Variants in SMCHD1 observed in about 807,000 individuals in gnomAD.
SMCHD1 encodes structural maintenance of chromosomes flexible hinge domain-containing protein 1.
SMCHD1 carries 78 observed loss-of-function variants against 254.7 expected under a neutral mutation model. The ratio of observed to expected loss-of-function variants is 0.31; its 90% CI spans 0.26 to 0.37. The LOEUF (loss-of-function observed/expected upper bound fraction) is 0.37. SMCHD1 is among the 10% of genes least tolerant of loss of function. The pLI, the probability that SMCHD1 is intolerant of heterozygous loss-of-function variation, is 1.00. For missense variants in SMCHD1, 1,840 were observed against 2,408.1 expected (o/e 0.76, Z 4.94); for synonymous variants, 766 against 794.9 (o/e 0.96, Z 0.61).
chr18:2,723,809 G>A (rs1334621878), intron 20 of SMCHD1, among the ~76,000 whole-genome samples: 2 of 152,086 alleles, frequency 1.3e-5, no homozygotes, highest in Non-Finnish European at 2.9e-5. Context: ...CTTTTCATCA[G>A]TCTTTTTGCT....
chr18:2,678,424 C>T (rs2073824340), intron 5 of SMCHD1, among the ~76,000 whole-genome samples: 3 of 152,056 alleles, frequency 2.0e-5, no homozygotes, highest in Middle Eastern at 6.8e-3. Flanking sequence ...CCTTAGCCTC[C>T]TGGGCTTGGC....
At chr18:2,672,036 T>G (rs949354976) in intron 3 of SMCHD1, among the ~76,000 whole-genome samples, 9 of 152,198 alleles carry the variant, frequency 5.9e-5, no homozygotes, top group Admixed American at 5.2e-4. Flanking sequence ...TCCTTCCAAA[T>G]TTCTCTTTAG....
intron 46 of SMCHD1, 96 bp from the exon 47 acceptor site, chr18:2,796,311 T>A (rs1386168328): frequency 2.3e-5 from 21 of 902,928 alleles, no homozygotes; most frequent in Non-Finnish European, 3.2e-5. Flanking sequence ...CTTTCTTAAT[T>A]CTTTTTCTAT....
chr18:2,671,366 AATG>A (rs1194658642), intron 3 of SMCHD1, among the ~76,000 whole-genome samples: 10 of 152,190 alleles, frequency 6.6e-5, no homozygotes, highest in Admixed American at 2.0e-4. Context: ...ATCATTATGA[AATG>A]ATATGAAAAC....
intron 3 of SMCHD1, among the ~76,000 whole-genome samples, chr18:2,670,157 G>A (rs541903465): frequency 1.3e-5 from 2 of 152,114 alleles, no homozygotes; most frequent in Non-Finnish European, 2.9e-5. Context: ...CACCAAAGTC[G>A]TTACAGTTGC....
At chr18:2,673,913 G>GTAT in intron 4 of SMCHD1, 102 bp from the exon 5 acceptor site, 3 of 1,169,886 alleles carry the variant, frequency 2.6e-6, no homozygotes, top group Non-Finnish European at 3.6e-6. Context: ...CATCAGTAAT[G>GTAT]TATAAGTGAG....
At chr18:2,788,554 C>G (rs996802375) in intron 45 of SMCHD1, among the ~76,000 whole-genome samples, 8 of 152,130 alleles carry the variant, frequency 5.3e-5, no homozygotes, top group African/African-American at 1.9e-4. Context: ...AGCATTGTAT[C>G]ACTTTTATAA....
intron 33 of SMCHD1, among the ~76,000 whole-genome samples, chr18:2,752,089 A>G (rs1395595323): frequency 6.6e-6 from 1 of 152,160 alleles, no homozygotes; most frequent in Non-Finnish European, 1.5e-5. Context: ...AAAATTGGGA[A>G]CTAAAGTTTA....
In SMCHD1 at chr18:2,770,889, T is replaced by C. The variant is rs556852258; in HGVS notation, c.4967-644T>C. ...GCCCACCTTGGCCCCCACAAAGTGC[T>C]AGGATTACAGGTGTTAGCCACCACA... On this transcript the variant is annotated intron_variant, in intron 39 of 47. Transcript: ENST00000320876. 1.4e-4 allele frequency among the ~76,000 whole-genome samples: 21 copies of C among 152,332 alleles called. No homozygotes were observed. In the South Asian group the frequency reaches 2.9e-3, roughly 21 times the overall value.
intron 21 of SMCHD1, among the ~76,000 whole-genome samples, chr18:2,725,977 G>T (rs895440405): frequency 2.6e-5 from 4 of 151,726 alleles, no homozygotes; most frequent in African/African-American, 9.7e-5. Flanking sequence ...AAATACTACT[G>T]ACAAAACCGT....
chr18:2,737,401 T>A (rs1452863870), intron 25 of SMCHD1, among the ~76,000 whole-genome samples: 2 of 152,150 alleles, frequency 1.3e-5, no homozygotes, highest in Admixed American at 6.5e-5. Context: ...AAAGTGTAAT[T>A]TAGAAATTTT....
At chr18:2,762,348 A>G in intron 36 of SMCHD1, 112 bp downstream of exon 36, 1 of 948,052 alleles carries the variant, frequency 1.1e-6, no homozygotes, top group Non-Finnish European at 1.6e-6. Context: ...TTAAGGTTAT[A>G]GGGAAAACTT....
At chr18:2,749,481 G>T (rs1598401886) in intron 30 of SMCHD1, among the ~76,000 whole-genome samples, 2 of 152,162 alleles carry the variant, frequency 1.3e-5, no homozygotes, top group Admixed American at 1.3e-4. Context: ...AAGGCTGAGA[G>T]ACCCTTCTAG....
chr18:2,704,841 A>G (rs1255581592), intron 13 of SMCHD1, among the ~76,000 whole-genome samples: 2 of 152,104 alleles, frequency 1.3e-5, no homozygotes, highest in East Asian at 1.9e-4. Flanking sequence ...GAGTATAGCT[A>G]AAGAGGTAAA....
chr18:2,712,908 T>A (rs62084223), intron 17 of SMCHD1, among the ~76,000 whole-genome samples: 2 of 152,086 alleles, frequency 1.3e-5, no homozygotes, highest in South Asian at 4.1e-4. Flanking sequence ...TTCCTCTCTC[T>A]CCAACTTGAT....
At chr18:2,793,533 C>T (rs778047174) in intron 45 of SMCHD1, among the ~76,000 whole-genome samples, 8 of 151,580 alleles carry the variant, frequency 5.3e-5, no homozygotes, top group South Asian at 2.1e-4. Flanking sequence ...GGTGTGGTGG[C>T]GGGCGCCTGT....
Position 2,667,040 on chromosome 18 carries a change from C to G in SMCHD1, c.424+9C>G. ...AGGACAAAATCCTTTGCGTAAGTAT[C>G]CCATTCATACTAATTTTGATAAATT... On this transcript the variant is annotated intron_variant, in intron 3 of 47. Transcript: ENST00000320876. The G allele has an allele frequency of 1.3e-6, 2 of 1,547,222 alleles. No individual in the cohort carries two copies. Among genetic ancestry groups the G allele is most frequent in the Non-Finnish European group, 1.8e-6 (2 of 1,139,812 alleles).
intron 12 of SMCHD1, among the ~76,000 whole-genome samples, chr18:2,703,476 T>G (rs1197464629): frequency 6.6e-6 from 1 of 152,164 alleles, no homozygotes; most frequent in Non-Finnish European, 1.5e-5. Context: ...ATACCTTGGT[T>G]CTAAGAATAA....
At chr18:2,664,474 A>G (rs1477090152) in intron 1 of SMCHD1, among the ~76,000 whole-genome samples, 1 of 152,108 alleles carries the variant, frequency 6.6e-6, no homozygotes, top group African/African-American at 2.4e-5. Context: ...CTAGGTCTTT[A>G]ATATTCCACA....
Sources: allele counts gnomAD v4.1 joint callset (sites outside exome capture counted in the v4.1 genomes callset), GRCh38; gene constraint gnomAD v4.1.1; transcripts MANE v1.5; gene names NCBI Gene and HGNC (gene_info 2026-07-23, HGNC 2026-07-21).